The following QTMAN variants were observed in gnomAD, a reference collection of about 807,000 sequenced individuals.
QTMAN encodes the protein queuosine-tRNA mannosyltransferase.
chr2:144,006,580 G>A, the QTMAN span: 1 of 152,078 alleles, frequency 6.6e-6, no homozygotes, highest in Non-Finnish European at 1.5e-5. Context: ...ATAGGAGCCA[G>A]GGTTAAGTTT....
chr2:143,947,655 A>G, the QTMAN span, among the ~76,000 whole-genome samples: 1 of 152,340 alleles, frequency 6.6e-6, no homozygotes, highest in East Asian at 1.9e-4. Context: ...ATATTTAAAA[A>G]AATATTCTTC....
chr2:144,206,606 T>C, the QTMAN span, among the ~76,000 whole-genome samples: 1 of 152,190 alleles, frequency 6.6e-6, no homozygotes. Context: ...CCTTGAGAGA[T>C]GACAGATACC....
At chr2:144,125,584 C>G in the QTMAN span, among the ~76,000 whole-genome samples, 1 of 152,004 alleles carries the variant, frequency 6.6e-6, no homozygotes, top group African/African-American at 2.4e-5. Context: ...AATTTGTAAC[C>G]ATTCTCAGTG....
chr2:144,319,862 G>A, the QTMAN span: 1 of 152,124 alleles, frequency 6.6e-6, no homozygotes, highest in African/African-American at 2.4e-5. Context: ...TTTATCATCA[G>A]TGTCACCTAT....
the QTMAN span, among the ~76,000 whole-genome samples, chr2:144,084,751 T>C: frequency 6.7e-6 from 1 of 150,246 alleles, no homozygotes; most frequent in African/African-American, 2.5e-5. Flanking sequence ...ACATAAAGTT[T>C]CTTCTCTTGG....
At chr2:144,295,845 C>A in the QTMAN span, among the ~76,000 whole-genome samples, 1 of 152,294 alleles carries the variant, frequency 6.6e-6, no homozygotes, top group Middle Eastern at 3.4e-3. Context: ...AACAATCCTC[C>A]CACCTCAGCC....
At chr2:144,280,477 T>G in the QTMAN span, among the ~76,000 whole-genome samples, 1 of 151,930 alleles carries the variant, frequency 6.6e-6, no homozygotes, top group Non-Finnish European at 1.5e-5. Context: ...ATTTTGGGGG[T>G]TTTTTTGTTG....
At chr2:144,058,482 T>C in the QTMAN span, among the ~76,000 whole-genome samples, 1 of 152,198 alleles carries the variant, frequency 6.6e-6, no homozygotes. Flanking sequence ...TATCACTAGG[T>C]CTATTAATAG....
At chr2:143,969,845 C>T in the QTMAN span, among the ~76,000 whole-genome samples, 1 of 152,144 alleles carries the variant, frequency 6.6e-6, no homozygotes, top group Non-Finnish European at 1.5e-5. Flanking sequence ...GGGTGTAGTT[C>T]TTGACACTGT....
the QTMAN span, among the ~76,000 whole-genome samples, chr2:144,016,299 T>C: frequency 6.6e-6 from 1 of 152,340 alleles, no homozygotes; most frequent in Non-Finnish European, 1.5e-5. Flanking sequence ...ATCACTCAAA[T>C]GACCTAACTT....
the QTMAN span, among the ~76,000 whole-genome samples, chr2:144,149,630 T>C: frequency 1.1e-3 from 174 of 152,060 alleles, 2 homozygotes; most frequent in African/African-American, 4.1e-3. Flanking sequence ...GCTACTATAA[T>C]CATCTAACCA....
the QTMAN span, among the ~76,000 whole-genome samples, chr2:144,191,445 G>A: frequency 3.9e-5 from 6 of 152,156 alleles, no homozygotes; most frequent in Non-Finnish European, 8.8e-5. Flanking sequence ...GTAGAATCTT[G>A]CAAAGCAATT....
chr2:144,069,999 ATAATT>A, the QTMAN span, among the ~76,000 whole-genome samples: 2 of 152,130 alleles, frequency 1.3e-5, no homozygotes, highest in Non-Finnish European at 2.9e-5. Context: ...GTGAAGGCAG[ATAATT>A]TAATAAAAAG....
At chr2:144,253,876 T>C in the QTMAN span, among the ~76,000 whole-genome samples, 4 of 152,218 alleles carry the variant, frequency 2.6e-5, no homozygotes, top group Admixed American at 2.6e-4. Context: ...CAGGGCATGT[T>C]AGAGACCTTC....
the QTMAN span, among the ~76,000 whole-genome samples, chr2:144,100,383 G>A: frequency 6.6e-6 from 1 of 152,168 alleles, no homozygotes; most frequent in Non-Finnish European, 1.5e-5. Context: ...AAATAAGAAA[G>A]ATTAAATACA....
the QTMAN span, among the ~76,000 whole-genome samples, chr2:144,236,355 T>C: frequency 6.6e-6 from 1 of 152,140 alleles, no homozygotes; most frequent in Non-Finnish European, 1.5e-5. Context: ...CACAGTCCTG[T>C]GATCCCTGTA....
chr2:144,101,394 T>TCTCACACA, the QTMAN span, among the ~76,000 whole-genome samples: 4 of 150,124 alleles, frequency 2.7e-5, no homozygotes, highest in African/African-American at 9.8e-5. Flanking sequence ...TATCTCTCTC[T>TCTCACACA]CACACACACA....
At chr2:143,951,815 T>C in the QTMAN span, among the ~76,000 whole-genome samples, 2 of 151,716 alleles carry the variant, frequency 1.3e-5, no homozygotes, top group South Asian at 4.1e-4. Flanking sequence ...CCTAGGTTAA[T>C]ACAACTGGCA....
At chr2:144,085,973 G>C in the QTMAN span, among the ~76,000 whole-genome samples, 1 of 152,084 alleles carries the variant, frequency 6.6e-6, no homozygotes, top group African/African-American at 2.4e-5. Context: ...CAAATTCATT[G>C]ACTTGAGAAC....
Sources: gnomAD v4.1 joint callset for allele counts (sites outside exome capture counted in the v4.1 genomes callset) on GRCh38, gnomAD v4.1.1 for gene constraint, MANE v1.5 for transcripts, NCBI Gene and HGNC (gene_info 2026-07-23, HGNC 2026-07-21) for gene names.